Variants in ATCAY observed in about 807,000 individuals in gnomAD.
ATCAY encodes caytaxin.
ATCAY carries 22 observed loss-of-function variants against 47.7 expected under a neutral mutation model. The observed-to-expected ratio is 0.46, with a 90% CI of 0.33 to 0.66. The LOEUF (loss-of-function observed/expected upper bound fraction) is 0.66. Ranked by LOEUF, ATCAY falls within the 30% of genes least tolerant of loss-of-function variation. The pLI is 0.02. For synonymous variants in ATCAY, 216 were observed against 207.6 expected, an observed-to-expected ratio of 1.04 and a Z score of -0.35; for missense variants, 452 against 515.0, an observed-to-expected ratio of 0.88 and a Z score of 1.18.
intron 9 of ATCAY, 118 bp from the exon 10 acceptor site, chr19:3,917,624 G>GAAAAAAAAAAAAAAAA: frequency 2.6e-6 from 1 of 379,424 alleles, no homozygotes; most frequent in Non-Finnish European, 4.7e-6. Context: ...AGAAGAAGAA[G>GAAAAAAAAAAAAAAAA]AAGAAAAGAA....
At position 3,907,970 on chromosome 19, in the gene ATCAY, G is replaced by A. The variant is rs1027774250; in HGVS notation, c.544+51G>A. On this transcript the variant is annotated intron_variant, in intron 5 of 12. Transcript: ENST00000450849. The surrounding 1 kb of genome is among the most constrained non-coding windows in gnomAD (Gnocchi z 5.1). ...TTGGGGCTCCAGCCCGGCCCACTGGGCAACAGGGGGTTCGTCAGTGCCCCT... is the reference window on the plus strand; with the variant it reads ...TTGGGGCTCCAGCCCGGCCCACTGGACAACAGGGGGTTCGTCAGTGCCCCT... 1.1e-5 allele frequency: 18 copies of A among 1,580,516 alleles called. No homozygotes were observed. Among genetic ancestry groups the A allele is most frequent in the Non-Finnish European group, 1.5e-5 (18 of 1,161,568 alleles).
chr19:3,910,427 C>T (rs143962448), intron 7 of ATCAY, among the ~76,000 whole-genome samples: 4 of 152,266 alleles, frequency 2.6e-5, no homozygotes, highest in Non-Finnish European at 4.4e-5. Context: ...AAAATTGAGC[C>T]AGCCAATCCA....
chr19:3,917,916 C>A, intron 10 of ATCAY, 139 bp downstream of exon 10: 1 of 867,098 alleles, frequency 1.2e-6, no homozygotes, highest in Non-Finnish European at 1.6e-6. Context: ...GCCCTTCTGG[C>A]AAGGACTTTA....
chr19:3,914,805 G>A (rs2038952893), intron 9 of ATCAY, among the ~76,000 whole-genome samples: 2 of 145,274 alleles, frequency 1.4e-5, no homozygotes, highest in Middle Eastern at 3.3e-3. Context: ...TGGGCAACAA[G>A]AGTGAAACTC....
intron 2 of ATCAY, among the ~76,000 whole-genome samples, chr19:3,892,134 C>T (rs2145227129): frequency 6.6e-6 from 1 of 152,248 alleles, no homozygotes; most frequent in Non-Finnish European, 1.5e-5. Context: ...AAGTGATCCA[C>T]CCGCCTCAGC....
At chr19:3,905,678 G>A in intron 4 of ATCAY, 23 bp downstream of exon 4, 1 of 1,601,590 alleles carries the variant, frequency 6.2e-7, no homozygotes, top group Non-Finnish European at 8.5e-7. Flanking sequence ...GTCTCTCTGG[G>A]GCCTGCTGGA....
At position 3,907,248 on chromosome 19, in the gene ATCAY, C is replaced by T. The variant is rs2038869551; in HGVS notation, c.359-486C>T. ...TCGCTTAAGGCCAGGAGTTTGAGAC[C>T]AGCCTGGGCAACATATTGAAACCCC... On this transcript the variant is annotated intron_variant, in intron 4 of 12. Transcript: ENST00000450849. This position sits in a 1 kb window ranked among gnomAD's most constrained non-coding sequence, Gnocchi z 5.1. Among the ~76,000 whole-genome samples, 1 of 151,980 alleles carries T rather than the reference C, an allele frequency of 6.6e-6. No homozygotes were observed. The highest frequency in any genetic ancestry group is 2.1e-4 in the South Asian group (1 of 4,824).
chr19:3,905,879 A>ACCTC (rs1568448546), intron 4 of ATCAY, among the ~76,000 whole-genome samples: 1 of 151,952 alleles, frequency 6.6e-6, no homozygotes, highest in Non-Finnish European at 1.5e-5. Context: ...AATTTTTAAA[A>ACCTC]AAGAGAGAGG....
chr19:3,894,266 C>T (rs1164320656), intron 2 of ATCAY, among the ~76,000 whole-genome samples: 1 of 151,866 alleles, frequency 6.6e-6, no homozygotes, highest in East Asian at 1.9e-4. Flanking sequence ...GGGCAGGTCA[C>T]GAGGTCAGGA....
rs2039074015 is a variant in ATCAY, at chr19:3,927,156, G to A, written c.*2564G>A. The A allele has an allele frequency of 6.6e-6, 1 of 152,252 alleles. No homozygotes were observed. Among genetic ancestry groups the A allele is most frequent in the African/African-American group, 2.4e-5 (1 of 41,444 alleles). 9.4% of individuals were successfully genotyped at this position (152,252 alleles called of 1,614,324 possible). A position where few individuals can be genotyped will look rare whatever the true frequency, so the allele number is the denominator to read the frequency against. Reference sequence around the variant, plus strand: ...GAATAGCTGGAACCCAGGAGGCAGAGATTGCAGTCAGCCGAGATTGCACCA... The same window carrying A: ...GAATAGCTGGAACCCAGGAGGCAGAAATTGCAGTCAGCCGAGATTGCACCA... On this transcript the variant is annotated 3_prime_UTR_variant, in exon 13 of 13. Transcript: ENST00000450849.
At chr19:3,882,879 G>A (rs2038614012) in intron 1 of ATCAY, among the ~76,000 whole-genome samples, 1 of 151,556 alleles carries the variant, frequency 6.6e-6, no homozygotes, top group Non-Finnish European at 1.5e-5. Context: ...TTGACCTTCT[G>A]GGCTCAATCC....
chr19:3,884,311 G>A (rs2038628251), intron 1 of ATCAY, among the ~76,000 whole-genome samples: 1 of 144,318 alleles, frequency 6.9e-6, no homozygotes, highest in Admixed American at 6.7e-5. Context: ...AATAAATAAA[G>A]TGGCATTTTG....
chr19:3,902,232 G>A (rs967246295), intron 2 of ATCAY, among the ~76,000 whole-genome samples: 1 of 152,066 alleles, frequency 6.6e-6, no homozygotes, highest in East Asian at 1.9e-4. Context: ...TGAGGCAGGA[G>A]GATCTCTTGA....
intron 12 of ATCAY, among the ~76,000 whole-genome samples, chr19:3,923,456 G>A (rs1299334090): frequency 7.0e-6 from 1 of 142,798 alleles, no homozygotes; most frequent in South Asian, 2.1e-4. Context: ...GGATGGATGA[G>A]TGGATGGATG....
chr19:3,882,345 A>G (rs1347662694), intron 1 of ATCAY, among the ~76,000 whole-genome samples: 1 of 151,742 alleles, frequency 6.6e-6, no homozygotes, highest in East Asian at 1.9e-4. Context: ...TTTTTGAAGT[A>G]GGGTCTCTGT....
At chr19:3,892,416 G>A (rs2038726339) in intron 2 of ATCAY, among the ~76,000 whole-genome samples, 1 of 151,660 alleles carries the variant, frequency 6.6e-6, no homozygotes, top group South Asian at 2.1e-4. Flanking sequence ...GCCCAGGTTG[G>A]TCTCAAACTC....
At chr19:3,917,312 C>T (rs1485595678) in intron 9 of ATCAY, among the ~76,000 whole-genome samples, 4 of 149,114 alleles carry the variant, frequency 2.7e-5, no homozygotes, top group African/African-American at 9.9e-5. Flanking sequence ...AGGCCGGGCG[C>T]GGTGGTTCGC....
Position 3,913,830 on chromosome 19 carries a change from C to T in ATCAY, c.939C>T (p.His313=), listed in dbSNP as rs771731931. Residue 313 remains histidine, a synonymous_variant, in exon 9 of 13, where the codon CAC becomes CAT. Transcript: ENST00000450849. The part of the protein sequence containing the change: ...EDLEQLIPME[H]VQIPDCVLQY... Reference sequence around the variant, plus strand: ...TGGAGCAACTCATCCCTATGGAACACGTCCAGATCCCAGACTGCGTCCTGC... The same window carrying T: ...TGGAGCAACTCATCCCTATGGAACATGTCCAGATCCCAGACTGCGTCCTGC... 8 of 1,613,702 alleles carry T rather than the reference C, an allele frequency of 5.0e-6. No individual in the cohort carries two copies. The highest frequency in any genetic ancestry group is 4.0e-5 in the African/African-American group (3 of 74,914).
At chr19:3,895,011 ATT>A (rs548222254) in intron 2 of ATCAY, 3 of 389,750 alleles carry the variant, frequency 7.7e-6, no homozygotes, top group Non-Finnish European at 1.5e-5. Context: ...CACCCCACAG[ATT>A]TTTTTCTCTC....
Sources: gnomAD v4.1 joint callset for allele counts (sites outside exome capture counted in the v4.1 genomes callset) on GRCh38, gnomAD v4.1.1 for gene constraint, Gnocchi (gnomAD v3.1) non-coding constraint, MANE v1.5 for transcripts, NCBI Gene and HGNC (gene_info 2026-07-23, HGNC 2026-07-21) for gene names.